Variants in NEO1 observed in about 807,000 individuals in gnomAD.
NEO1 encodes neogenin.
Under a neutral mutation model 159.7 loss-of-function variants are expected in NEO1, and 63 were observed. The observed-to-expected ratio is 0.39, with a 90% CI of 0.32 to 0.49. The LOEUF is 0.49. Ranked by LOEUF, NEO1 falls within the 20% of genes least tolerant of loss-of-function variation. NEO1 has a pLI of 0.85. For missense variants in NEO1, 1,615 were observed against 1,831.0 expected (o/e 0.88, Z 2.15); for synonymous variants, 633 against 662.0 (o/e 0.96, Z 0.67).
intron 5 of NEO1, among the ~76,000 whole-genome samples, chr15:73,154,252 G>T (rs2033604928): frequency 6.6e-6 from 1 of 151,792 alleles, no homozygotes; most frequent in Non-Finnish European, 1.5e-5. Context: ...ATATTTATCG[G>T]GTACATGAGA....
At chr15:73,161,556 C>T (rs754028936) in intron 5 of NEO1, among the ~76,000 whole-genome samples, 4 of 152,182 alleles carry the variant, frequency 2.6e-5, no homozygotes, top group Admixed American at 6.5e-5. Flanking sequence ...TCATAACATT[C>T]CATATATGCT....
chr15:73,189,336 C>G (rs772600377), intron 7 of NEO1, among the ~76,000 whole-genome samples: 1 of 152,100 alleles, frequency 6.6e-6, no homozygotes, highest in African/African-American at 2.4e-5. Flanking sequence ...CCTGTATAGT[C>G]GGGTTTTGCA....
intron 7 of NEO1, among the ~76,000 whole-genome samples, chr15:73,218,663 A>G (rs1596373379): frequency 2.0e-5 from 3 of 151,760 alleles, no homozygotes; most frequent in African/African-American, 7.3e-5. Flanking sequence ...GGGAGAGTGT[A>G]TGTGTCGAGG....
chr15:73,288,489 A>T lies in NEO1; in HGVS notation c.3587A>T (p.Asp1196Val). ...ACTCCAATTCCTCGCAACTCTCAAG[A>T]TATCACACCAGTTGACAACTCCATG... is the stretch of plus-strand genomic sequence containing the variant. ...TDTPIPRNSQ[D>V]ITPVDNSMDS... Residue 1196 changes from aspartate to valine, a missense_variant, in exon 24 of 29, where the codon GAT becomes GTT. Physicochemically the swap from Asp to Val is radical, Grantham distance 152 (BLOSUM62 -3). Around this residue, in one of 3 missense-constraint regions of NEO1, gnomAD observed 471 missense variants for 498.9 expected, o/e 0.94. Transcript: ENST00000261908. 6.2e-7 allele frequency: 1 copy of T among 1,614,166 alleles called. No individual in the cohort carries two copies. Among genetic ancestry groups the T allele is most frequent in the Non-Finnish European group, 8.5e-7 (1 of 1,180,020 alleles).
At chr15:73,169,974 G>T (rs2034845639) in intron 5 of NEO1, among the ~76,000 whole-genome samples, 1 of 151,922 alleles carries the variant, frequency 6.6e-6, no homozygotes, top group African/African-American at 2.4e-5. Context: ...TTAGAAGGTA[G>T]GTAGGTTTGT....
chr15:73,097,570 AG>A (rs770398783), intron 1 of NEO1, among the ~76,000 whole-genome samples: 3 of 151,974 alleles, frequency 2.0e-5, no homozygotes, highest in Non-Finnish European at 4.4e-5. Context: ...CATGTTGGCC[AG>A]GCTGGTCCGG....
At chr15:73,137,281 A>C (rs1241221520) in intron 5 of NEO1, among the ~76,000 whole-genome samples, 1 of 152,192 alleles carries the variant, frequency 6.6e-6, no homozygotes, top group Non-Finnish European at 1.5e-5. Flanking sequence ...ATAACCATAA[A>C]TATATTTAAG....
At chr15:73,236,835 T>G (rs1297371906) in intron 8 of NEO1, among the ~76,000 whole-genome samples, 3 of 152,170 alleles carry the variant, frequency 2.0e-5, no homozygotes, top group Non-Finnish European at 2.9e-5. Flanking sequence ...TAAAGTAAAC[T>G]TAAATGAATA....
At chr15:73,231,848 G>C (rs2038928127) in intron 7 of NEO1, among the ~76,000 whole-genome samples, 1 of 152,154 alleles carries the variant, frequency 6.6e-6, no homozygotes, top group African/African-American at 2.4e-5. Context: ...CTTTGTCTCT[G>C]ATGCAGCACT....
chr15:73,190,181 G>A (rs1245925993), intron 7 of NEO1, among the ~76,000 whole-genome samples: 1 of 152,060 alleles, frequency 6.6e-6, no homozygotes, highest in African/African-American at 2.4e-5. Flanking sequence ...AAGGTAAAAT[G>A]TCTGTATCTT....
chr15:73,090,201 TTTTA>T (rs1228370178), intron 1 of NEO1, among the ~76,000 whole-genome samples: 1 of 152,114 alleles, frequency 6.6e-6, no homozygotes, highest in Non-Finnish European at 1.5e-5. Context: ...TTTATTTTAT[TTTTA>T]TTTATTTAAG....
At chr15:73,104,111 C>G (rs1595991574) in intron 1 of NEO1, among the ~76,000 whole-genome samples, 2 of 152,180 alleles carry the variant, frequency 1.3e-5, no homozygotes, top group African/African-American at 4.8e-5. Context: ...ATCATCTTGC[C>G]TTGGCTTCCC....
intron 21 of NEO1, 109 bp downstream of exon 21, chr15:73,274,833 T>C: frequency 9.2e-7 from 1 of 1,088,656 alleles, no homozygotes; most frequent in Non-Finnish European, 1.3e-6. Flanking sequence ...CAGCACCATG[T>C]GTTAAAAGCC....
chr15:73,086,063 T>C (rs575368501), intron 1 of NEO1, among the ~76,000 whole-genome samples: 57 of 152,358 alleles, frequency 3.7e-4, no homozygotes, highest in African/African-American at 1.3e-3. Context: ...TCTAGGAATT[T>C]TATAGTTTTA....
chr15:73,124,214 A>T (rs1426307870), intron 3 of NEO1, among the ~76,000 whole-genome samples: 1 of 151,554 alleles, frequency 6.6e-6, no homozygotes, highest in Non-Finnish European at 1.5e-5. Context: ...GGTACACACC[A>T]CCACATCTGG....
chr15:73,125,776 A>G (rs1340903288), intron 3 of NEO1, among the ~76,000 whole-genome samples: 1 of 152,236 alleles, frequency 6.6e-6, no homozygotes, highest in African/African-American at 2.4e-5. Flanking sequence ...TGGTAGCTAG[A>G]TTGTTGCTCA....
chr15:73,263,342 C>T (rs2040720526), intron 15 of NEO1, among the ~76,000 whole-genome samples: 1 of 151,766 alleles, frequency 6.6e-6, no homozygotes, highest in Non-Finnish European at 1.5e-5. Flanking sequence ...TACAGGCTTG[C>T]GCCACCATGC....
chr15:73,120,631 CT>C (rs11462324), intron 2 of NEO1, among the ~76,000 whole-genome samples: 237 of 143,428 alleles, frequency 1.7e-3, no homozygotes, highest in East Asian at 2.6e-3. Context: ...ATTTTAAGTA[CT>C]TTTTTTTTTT....
Position 73,143,375 on chromosome 15 carries a change from C to G in NEO1, c.1015+7348C>G, listed in dbSNP as rs1353468492. 4.4e-5 allele frequency: 7 copies of G among 157,486 alleles called. No homozygotes were observed. The Admixed American group carries it at 4.5e-4, about 10-fold the overall frequency. 9.8% of individuals were successfully genotyped at this position (157,486 alleles called of 1,614,324 possible). The stretch of plus-strand genomic sequence containing the variant: ...TCTGGGCAACCCCTACCTCCCACTC[C>G]CGGGTCACCTTCTGCTTGCCTAGCA... On this transcript the variant is annotated intron_variant, in intron 5 of 28. Transcript: ENST00000261908.
Sources: gnomAD v4.1 joint callset for allele counts (sites outside exome capture counted in the v4.1 genomes callset) on GRCh38, gnomAD v4.1.1 for gene constraint, gnomAD v4.1.1 regional missense constraint, MANE v1.5 for transcripts, NCBI Gene and HGNC (gene_info 2026-07-23, HGNC 2026-07-21) for gene names.